Variants in FAM184A observed in about 807,000 individuals in gnomAD.
FAM184A encodes family with sequence similarity 184 member A, also known as protein FAM184A.
Under a neutral mutation model 143.8 loss-of-function variants are expected in FAM184A, and 99 were observed. The observed-to-expected ratio is 0.69, with a 90% CI of 0.58 to 0.81. The LOEUF (loss-of-function observed/expected upper bound fraction) is 0.81. Among genes scored for constraint, FAM184A ranks in the 40% least tolerant of loss-of-function variants. FAM184A has a pLI of 0.00. For synonymous variants in FAM184A, 427 were observed against 446.4 expected, an observed-to-expected ratio of 0.96 and a Z score of 0.55; for missense variants, 1,217 against 1,310.5, an observed-to-expected ratio of 0.93 and a Z score of 1.10.
chr6:118,981,666 A>G (rs1414065694), intron 9 of FAM184A, among the ~76,000 whole-genome samples: 3 of 152,194 alleles, frequency 2.0e-5, no homozygotes, highest in African/African-American at 7.2e-5. Context: ...ATATCCCTTT[A>G]AAAAGCAGCA....
intron 1 of FAM184A, among the ~76,000 whole-genome samples, chr6:119,127,463 C>T (rs941226568): frequency 1.5e-4 from 23 of 152,280 alleles, no homozygotes; most frequent in Non-Finnish European, 1.5e-4. Flanking sequence ...AATATCTAAA[C>T]ACATGCAAAT....
intron 1 of FAM184A, among the ~76,000 whole-genome samples, chr6:119,140,926 A>C (rs1772212482): frequency 6.6e-6 from 1 of 152,252 alleles, no homozygotes; most frequent in Non-Finnish European, 1.5e-5. Context: ...GCTTTCCAGC[A>C]AAATTACTTA....
At chr6:119,002,777 A>G (rs1784802343) in intron 9 of FAM184A, 122 bp downstream of exon 9, 1 of 840,316 alleles carries the variant, frequency 1.2e-6, no homozygotes, top group South Asian at 2.2e-5. Flanking sequence ...TATTTTTAGA[A>G]GTTTTAAGTT....
intron 7 of FAM184A, among the ~76,000 whole-genome samples, chr6:119,004,884 G>A (rs182637227): frequency 7.6e-4 from 116 of 152,240 alleles, no homozygotes; most frequent in African/African-American, 2.1e-3. Context: ...CAGGACAGCC[G>A]GGGGAAAGGC....
chr6:119,129,114 C>A (rs540585598), intron 1 of FAM184A, among the ~76,000 whole-genome samples: 30 of 152,328 alleles, frequency 2.0e-4, no homozygotes, highest in South Asian at 1.2e-3. Flanking sequence ...AACCTGGAAG[C>A]CCCTCTCTCC....
chr6:119,049,918 T>TC (rs1786684762), intron 1 of FAM184A, among the ~76,000 whole-genome samples: 1 of 152,096 alleles, frequency 6.6e-6, no homozygotes, highest in South Asian at 2.1e-4. Context: ...TGGGAGAAAA[T>TC]TCTTGCAAAC....
At chr6:118,971,738 A>G (rs1327419759) in intron 14 of FAM184A, among the ~76,000 whole-genome samples, 1 of 152,226 alleles carries the variant, frequency 6.6e-6, no homozygotes, top group Non-Finnish European at 1.5e-5. Flanking sequence ...TCCATAAGCA[A>G]TATAGAACTC....
chr6:118,990,055 T>C (rs1784326847), intron 9 of FAM184A, among the ~76,000 whole-genome samples: 1 of 152,154 alleles, frequency 6.6e-6, no homozygotes, highest in Non-Finnish European at 1.5e-5. Flanking sequence ...TCTCATCTTC[T>C]GACCTCGTGA....
intron 5 of FAM184A, among the ~76,000 whole-genome samples, chr6:119,013,558 T>C (rs1372596232): frequency 6.6e-6 from 1 of 152,234 alleles, no homozygotes; most frequent in African/African-American, 2.4e-5. Flanking sequence ...CTGCTAAGCA[T>C]GCACATGCCT....
intron 9 of FAM184A, among the ~76,000 whole-genome samples, chr6:118,991,122 T>C (rs937979710): frequency 2.6e-5 from 4 of 151,880 alleles, no homozygotes; most frequent in African/African-American, 9.7e-5. Flanking sequence ...GGAGGAGATA[T>C]TGAGTTGATG....
At chr6:119,099,904 C>A (rs1381247140) in intron 1 of FAM184A, among the ~76,000 whole-genome samples, 1 of 152,160 alleles carries the variant, frequency 6.6e-6, no homozygotes, top group East Asian at 1.9e-4. Context: ...ATTAATGGAA[C>A]CCAGAACCAG....
intron 5 of FAM184A, among the ~76,000 whole-genome samples, chr6:119,015,962 C>G (rs1775616): frequency 0.48 from 70,369 of 147,842 alleles, 17,074 homozygotes; most frequent in Non-Finnish European, 0.53. Flanking sequence ...ATTGTAAATA[C>G]ACCAATCGAC....
chr6:119,091,294 A>G (rs1257242163), intron 1 of FAM184A, among the ~76,000 whole-genome samples: 1 of 152,238 alleles, frequency 6.6e-6, no homozygotes, highest in Non-Finnish European at 1.5e-5. Flanking sequence ...TATGACGGTG[A>G]GAGAAGCCAA....
chr6:119,002,659 T>C (rs992284151), intron 9 of FAM184A, among the ~76,000 whole-genome samples: 11 of 152,080 alleles, frequency 7.2e-5, no homozygotes, highest in African/African-American at 2.7e-4. Flanking sequence ...AGGTCAAATA[T>C]TAAACTAAAA....
chr6:119,007,309 A>G (rs1047505172), intron 6 of FAM184A, among the ~76,000 whole-genome samples: 2 of 152,202 alleles, frequency 1.3e-5, no homozygotes, highest in Non-Finnish European at 2.9e-5. Context: ...AATTTCTACA[A>G]AAGTTGAAAT....
intron 1 of FAM184A, among the ~76,000 whole-genome samples, chr6:119,147,670 A>G (rs961309244): frequency 2.6e-5 from 4 of 152,228 alleles, no homozygotes; most frequent in African/African-American, 9.7e-5. Context: ...CTCTGGTGAC[A>G]ATCCAGGAAG....
At chr6:119,122,951 AAAAAAAAAAAAAAAAG>A in intron 1 of FAM184A, among the ~76,000 whole-genome samples, 1 of 136,958 alleles carries the variant, frequency 7.3e-6, no homozygotes, top group East Asian at 2.2e-4. Flanking sequence ...AAAAAAAAAA[AAAAAAAAAAAAAAAAG>A]GCAGTGATCT....
intron 1 of FAM184A, among the ~76,000 whole-genome samples, chr6:119,120,057 TCA>T (rs1278398399): frequency 6.6e-6 from 1 of 152,220 alleles, no homozygotes; most frequent in Non-Finnish European, 1.5e-5. Flanking sequence ...AGTATACAGT[TCA>T]CAGTCAGTTG....
chr6:119,134,300 A>G (rs77475298), intron 1 of FAM184A, among the ~76,000 whole-genome samples: 5,460 of 152,202 alleles, frequency 0.036, 323 homozygotes, highest in African/African-American at 0.12. Flanking sequence ...GTTATCAGGG[A>G]AATGCAAACT....
Sources: gnomAD v4.1 joint callset for allele counts (sites outside exome capture counted in the v4.1 genomes callset) on GRCh38, gnomAD v4.1.1 for gene constraint, MANE v1.5 for transcripts, NCBI Gene and HGNC (gene_info 2026-07-23, HGNC 2026-07-21) for gene names.